RBM27: variants seen among roughly 807,000 people sequenced by gnomAD.
RBM27 encodes RNA binding motif protein 27.
Under a neutral mutation model 135.3 loss-of-function variants are expected in RBM27, and 22 were observed. The ratio of observed to expected loss-of-function variants is 0.16; its 90% CI spans 0.12 to 0.23. The LOEUF is 0.23. Among genes scored for constraint, RBM27 ranks in the 10% least tolerant of loss-of-function variants. RBM27 has a pLI of 1.00. For synonymous variants in RBM27, 481 were observed against 442.4 expected, an observed-to-expected ratio of 1.09 and a Z score of -1.10; for missense variants, 1,009 against 1,281.0, an observed-to-expected ratio of 0.79 and a Z score of 3.24.
In RBM27 at chr5:146,289,064, CA is replaced by C. The variant is rs937176492; in HGVS notation, c.*3036del. ...TATGTAATGTTTGTTTTATCAATTA[CA>C]ATCTGAATTTCTAAGAAGCATGTTG... On this transcript the variant is annotated 3_prime_UTR_variant, in exon 21 of 21. Transcript: ENST00000265271. 6.6e-6 allele frequency: 1 copy of C among 150,560 alleles called. No homozygotes were observed. 9.3% of individuals were successfully genotyped at this position (150,560 alleles called of 1,614,324 possible).
chr5:146,255,134 A>C, intron 10 of RBM27, 42 bp downstream of exon 10: 1 of 1,548,954 alleles, frequency 6.5e-7, no homozygotes, highest in Non-Finnish European at 8.8e-7. Context: ...AGTGTTATGC[A>C]GTAGTTGGAT....
chr5:146,241,938 T>C (rs1757422471), intron 8 of RBM27, among the ~76,000 whole-genome samples: 1 of 152,154 alleles, frequency 6.6e-6, no homozygotes, highest in African/African-American at 2.4e-5. Flanking sequence ...AGATAATCTT[T>C]TTAAAAATTT....
intron 1 of RBM27, among the ~76,000 whole-genome samples, chr5:146,212,311 C>T (rs1755998304): frequency 6.6e-6 from 1 of 151,580 alleles, no homozygotes; most frequent in Non-Finnish European, 1.5e-5. Flanking sequence ...GCCTTGGCCT[C>T]CCAAAGTGCT....
intron 19 of RBM27, among the ~76,000 whole-genome samples, chr5:146,282,990 A>G (rs1489847896): frequency 6.6e-6 from 1 of 152,236 alleles, no homozygotes; most frequent in Non-Finnish European, 1.5e-5. Flanking sequence ...TGTATATGCA[A>G]TACATTTAAT....
intron 14 of RBM27, among the ~76,000 whole-genome samples, chr5:146,265,915 T>A (rs1407176151): frequency 6.6e-6 from 1 of 152,188 alleles, no homozygotes; most frequent in Non-Finnish European, 1.5e-5. Context: ...TAACTCAGGT[T>A]GTATTTTATC....
chr5:146,262,345 T>G (rs1758435438), intron 13 of RBM27, among the ~76,000 whole-genome samples: 1 of 152,172 alleles, frequency 6.6e-6, no homozygotes, highest in Non-Finnish European at 1.5e-5. Context: ...TTTTCCCATG[T>G]AAAAAAGTTA....
intron 8 of RBM27, 120 bp from the exon 9 acceptor site, chr5:146,251,591 C>G: frequency 1.1e-6 from 1 of 923,098 alleles, no homozygotes; most frequent in African/African-American, 1.6e-5. Context: ...TCTTTCTGTA[C>G]TTCTATTCCT....
rs767639630 is a variant in RBM27 at position 146,288,004 on chromosome 5, A to G, written c.*1974A>G. On this transcript the variant is annotated 3_prime_UTR_variant, in exon 21 of 21. Transcript: ENST00000265271. ...GTGATAGAGGGAACAAAGGATTTAT[A>G]TATTTTTTGTACAAAGTTTTTTCTT... 4 of 151,736 alleles carry G rather than the reference A, an allele frequency of 2.6e-5. No homozygotes were observed. The highest frequency in any genetic ancestry group is 4.8e-5 in the African/African-American group (2 of 41,342). 9.4% of individuals were successfully genotyped at this position (151,736 alleles called of 1,614,324 possible).
intron 19 of RBM27, among the ~76,000 whole-genome samples, chr5:146,272,187 A>G (rs1482024098): frequency 1.3e-5 from 2 of 152,366 alleles, no homozygotes; most frequent in South Asian, 2.1e-4. Flanking sequence ...TATTTGTGCT[A>G]GAACATTTTC....
chr5:146,279,764 C>T (rs1292830762), intron 19 of RBM27, among the ~76,000 whole-genome samples: 26 of 148,350 alleles, frequency 1.8e-4, no homozygotes, highest in African/African-American at 5.7e-4. Context: ...ACCCAGATTG[C>T]GCCACTGCAC....
At chr5:146,243,514 A>C (rs1230280980) in intron 8 of RBM27, among the ~76,000 whole-genome samples, 1 of 152,180 alleles carries the variant, frequency 6.6e-6, no homozygotes, top group African/African-American at 2.4e-5. Flanking sequence ...AGTAACTATA[A>C]TTCAGAGATA....
chr5:146,244,507 T>C (rs1757538122), intron 8 of RBM27, among the ~76,000 whole-genome samples: 1 of 152,198 alleles, frequency 6.6e-6, no homozygotes, highest in Non-Finnish European at 1.5e-5. Context: ...AACTATTTCC[T>C]CTGAAGTACT....
intron 19 of RBM27, among the ~76,000 whole-genome samples, chr5:146,283,031 C>A (rs1215899758): frequency 2.6e-5 from 4 of 152,160 alleles, no homozygotes; most frequent in Non-Finnish European, 1.5e-5. Context: ...GGACAGACCT[C>A]TTATCCTCTT....
At chr5:146,230,524 A>T (rs912082196) in intron 5 of RBM27, 133 bp from the exon 6 acceptor site, 4 of 874,290 alleles carry the variant, frequency 4.6e-6, no homozygotes, top group Admixed American at 2.8e-5. Context: ...TAAAGAGAGG[A>T]GTATGAAATA....
intron 17 of RBM27, 132 bp downstream of exon 17, chr5:146,269,716 TAAA>T (rs1174157704): frequency 2.9e-6 from 1 of 346,692 alleles, no homozygotes; most frequent in Non-Finnish European, 5.0e-6. Context: ...TTATAGTACT[TAAA>T]AAAAAAATCC....
At chr5:146,232,743 A>G (rs1271095594) in intron 6 of RBM27, among the ~76,000 whole-genome samples, 1 of 151,872 alleles carries the variant, frequency 6.6e-6, no homozygotes, top group Non-Finnish European at 1.5e-5. Context: ...TAATTTTTGT[A>G]TTTTTAGTAG....
intron 12 of RBM27, 53 bp downstream of exon 12, chr5:146,260,951 A>G: frequency 1.3e-6 from 2 of 1,513,586 alleles, no homozygotes; most frequent in South Asian, 1.3e-5. Context: ...GGTCTTGGGA[A>G]TATTTCTATC....
chr5:146,217,551 T>A (rs1756267117), intron 1 of RBM27, among the ~76,000 whole-genome samples: 1 of 144,870 alleles, frequency 6.9e-6, no homozygotes, highest in Non-Finnish European at 1.5e-5. Context: ...CATGGCTTGC[T>A]GCAACCTCCA....
Position 146,288,321 on chromosome 5 carries a change from A to G in RBM27, c.*2291A>G, listed in dbSNP as rs979241548. On this transcript the variant is annotated 3_prime_UTR_variant, in exon 21 of 21. Transcript: ENST00000265271. ...AGATAGAAGTGTGTTAAAGTGAAAA[A>G]CAGTTTTTTCAGTAAGGTTTGAGGC... The G allele has an allele frequency of 6.6e-6, 1 of 152,034 alleles. No homozygotes were observed. Among genetic ancestry groups the G allele is most frequent in the Non-Finnish European group, 1.5e-5 (1 of 67,938 alleles). 9.4% of individuals were successfully genotyped at this position (152,034 alleles called of 1,614,324 possible).
Sources: gnomAD v4.1 joint callset for allele counts (sites outside exome capture counted in the v4.1 genomes callset) on GRCh38, gnomAD v4.1.1 for gene constraint, MANE v1.5 for transcripts, NCBI Gene and HGNC (gene_info 2026-07-23, HGNC 2026-07-21) for gene names.